Variants in GAB2 observed in about 807,000 individuals in gnomAD.
GAB2 encodes the protein GRB2-associated-binding protein 2.
Under a neutral mutation model 65.5 loss-of-function variants are expected in GAB2, and 26 were observed. That is an observed-to-expected ratio of 0.40 (90% CI 0.29 to 0.55). The LOEUF is 0.55. Ranked by LOEUF, GAB2 falls within the 20% of genes least tolerant of loss-of-function variation. The pLI is 0.53. For synonymous variants in GAB2, 321 were observed against 329.6 expected (o/e 0.97, Z 0.28); for missense variants, 884 against 875.8 (o/e 1.01, Z -0.12).
chr11:78,220,532 G>T, intron 8 of GAB2, 88 bp from the exon 9 acceptor site: 2 of 1,160,912 alleles, frequency 1.7e-6, no homozygotes, highest in Non-Finnish European at 1.2e-6. Flanking sequence ...TAAGAACACT[G>T]TTTCCCTGAG....
intron 2 of GAB2, among the ~76,000 whole-genome samples, chr11:78,278,668 T>G (rs1422759750): frequency 6.6e-6 from 1 of 151,932 alleles, no homozygotes; most frequent in African/African-American, 2.4e-5. Flanking sequence ...CGTGAAACAC[T>G]GTGCCCAGCT....
intron 2 of GAB2, among the ~76,000 whole-genome samples, chr11:78,267,155 A>G (rs1865893445): frequency 6.6e-6 from 1 of 152,212 alleles, no homozygotes; most frequent in African/African-American, 2.4e-5. Flanking sequence ...CAGGCAGGTT[A>G]TCAGGGCAAA....
chr11:78,417,214 G>GAGAAAGGGAAGGAGA (rs1565191434), intron 1 of GAB2, among the ~76,000 whole-genome samples: 36 of 152,126 alleles, frequency 2.4e-4, no homozygotes, highest in African/African-American at 8.4e-4. Flanking sequence ...GCCCTTTGTG[G>GAGAAAGGGAAGGAGA]GGCCGTCCGC....
rs566527152 is a variant in GAB2, at chr11:78,332,961, G to GC, written c.76-52061dup. On this transcript the variant is annotated intron_variant, in intron 1 of 9. Coordinates refer to ENST00000361507, the MANE Select transcript of GAB2 (RefSeq NM_080491.3). ...CCTAATTTTGCCAAATATTTATTGAGCCCCAACACTGGTGTATCCCCTATA... is the reference window on the plus strand; with the variant it reads ...CCTAATTTTGCCAAATATTTATTGAGCCCCCAACACTGGTGTATCCCCTATA... Among the ~76,000 whole-genome samples, 250 of 152,184 alleles carry GC rather than the reference G, an allele frequency of 1.6e-3. 1 individual carries two copies. Among genetic ancestry groups the GC allele is most frequent in the Non-Finnish European group, 2.3e-3 (155 of 68,002 alleles).
intron 1 of GAB2, among the ~76,000 whole-genome samples, 187 bp downstream of exon 1, chr11:78,417,459 G>C (rs1212484594): frequency 6.6e-6 from 1 of 150,758 alleles, no homozygotes; most frequent in Non-Finnish European, 1.5e-5. Flanking sequence ...CGCCCGCCCC[G>C]CCCCTCGGCG....
chr11:78,387,189 ATCT>A (rs1354604112), intron 1 of GAB2, among the ~76,000 whole-genome samples: 1 of 152,080 alleles, frequency 6.6e-6, no homozygotes, highest in Non-Finnish European at 1.5e-5. Flanking sequence ...ACAATGGAAT[ATCT>A]TCTTTTTCTT....
At chr11:78,240,351 G>A (rs1286115679) in intron 3 of GAB2, among the ~76,000 whole-genome samples, 1 of 151,812 alleles carries the variant, frequency 6.6e-6, no homozygotes, top group Non-Finnish European at 1.5e-5. Context: ...GAGCTGAGAG[G>A]GGGTGCATTC....
intron 1 of GAB2, among the ~76,000 whole-genome samples, chr11:78,365,654 T>G (rs1856487021): frequency 1.3e-5 from 2 of 152,184 alleles, no homozygotes; most frequent in South Asian, 2.1e-4. Context: ...GGGAAAATTC[T>G]GGGAGGTAGG....
chr11:78,299,004 G>A (rs182836796), intron 1 of GAB2, among the ~76,000 whole-genome samples: 8 of 152,270 alleles, frequency 5.3e-5, no homozygotes, highest in Non-Finnish European at 7.3e-5. Context: ...TGTTCACAAT[G>A]GAGAATACCA....
At chr11:78,275,914 C>T (rs1215295395) in intron 2 of GAB2, among the ~76,000 whole-genome samples, 3 of 151,880 alleles carry the variant, frequency 2.0e-5, no homozygotes, top group Non-Finnish European at 4.4e-5. Context: ...AGGAGCTTGA[C>T]ACCAGCCTGG....
At chr11:78,409,824 T>C (rs1857103911) in intron 1 of GAB2, among the ~76,000 whole-genome samples, 1 of 152,202 alleles carries the variant, frequency 6.6e-6, no homozygotes, top group African/African-American at 2.4e-5. Flanking sequence ...ATAAACATTC[T>C]TTTCAAAGTA....
At chr11:78,239,221 A>C (rs944685434) in intron 3 of GAB2, among the ~76,000 whole-genome samples, 1 of 152,028 alleles carries the variant, frequency 6.6e-6, no homozygotes, top group Non-Finnish European at 1.5e-5. Flanking sequence ...AATTTAATTT[A>C]ATTTTATGTA....
chr11:78,267,654 C>T (rs577742537), intron 2 of GAB2, among the ~76,000 whole-genome samples: 5 of 151,710 alleles, frequency 3.3e-5, no homozygotes, highest in East Asian at 1.9e-4. Context: ...GTCAGGAGAT[C>T]GAGACCATCC....
At chr11:78,378,619 G>T (rs534591688) in intron 1 of GAB2, among the ~76,000 whole-genome samples, 175 of 152,222 alleles carry the variant, frequency 1.1e-3, no homozygotes, top group African/African-American at 4.0e-3. Context: ...TGTAAGCCTA[G>T]GATCAGAGTA....
At chr11:78,385,528 G>T (rs904422578) in intron 1 of GAB2, among the ~76,000 whole-genome samples, 1 of 152,124 alleles carries the variant, frequency 6.6e-6, no homozygotes, top group African/African-American at 2.4e-5. Flanking sequence ...ACACACCAAA[G>T]AATTCACACA....
intron 1 of GAB2, among the ~76,000 whole-genome samples, chr11:78,401,398 C>T (rs1856970320): frequency 6.6e-6 from 1 of 152,052 alleles, no homozygotes; most frequent in Non-Finnish European, 1.5e-5. Flanking sequence ...AGTATTTGTC[C>T]TTTTGTGACT....
At chr11:78,378,853 C>A (rs929734418) in intron 1 of GAB2, among the ~76,000 whole-genome samples, 3 of 152,090 alleles carry the variant, frequency 2.0e-5, no homozygotes, top group African/African-American at 7.2e-5. Flanking sequence ...ACTTACCATA[C>A]CAACTAGAAT....
chr11:78,258,505 T>A (rs1316599287), intron 2 of GAB2, among the ~76,000 whole-genome samples: 6 of 152,240 alleles, frequency 3.9e-5, no homozygotes, highest in Non-Finnish European at 8.8e-5. Flanking sequence ...AACTATTTTA[T>A]TTAATTTTTT....
At chr11:78,383,131 G>A (rs1436217257) in intron 1 of GAB2, among the ~76,000 whole-genome samples, 1 of 152,118 alleles carries the variant, frequency 6.6e-6, no homozygotes, top group Non-Finnish European at 1.5e-5. Context: ...AATTAGCTGG[G>A]CATGGTGGCA....
Sources: gnomAD v4.1 joint callset for allele counts (sites outside exome capture counted in the v4.1 genomes callset) on GRCh38, gnomAD v4.1.1 for gene constraint, MANE v1.5 for transcripts, NCBI Gene and HGNC (gene_info 2026-07-23, HGNC 2026-07-21) for gene names.